Variants in ZNF57 observed in about 807,000 individuals in gnomAD.
ZNF57 encodes zinc finger protein 424.
Under a neutral mutation model 13.4 loss-of-function variants are expected in ZNF57, and 11 were observed. That is an observed-to-expected ratio of 0.82 (90% CI 0.52 to 1.36). ZNF57 has a LOEUF of 1.36. ZNF57 is among the 40% of genes most tolerant of loss of function. ZNF57 has a pLI of 0.00. For synonymous variants in ZNF57, 224 were observed against 238.5 expected, an observed-to-expected ratio of 0.94 and a Z score of 0.56; for missense variants, 696 against 667.5, an observed-to-expected ratio of 1.04 and a Z score of -0.47.
chr19:2,901,831 T>C (rs2088032862), intron 1 of ZNF57, among the ~76,000 whole-genome samples: 1 of 152,140 alleles, frequency 6.6e-6, no homozygotes, highest in Non-Finnish European at 1.5e-5. Flanking sequence ...TTAGTCCTTA[T>C]AGGTTTGGGA....
chr19:2,905,071 G>A (rs1033690792), intron 1 of ZNF57, among the ~76,000 whole-genome samples: 3 of 152,090 alleles, frequency 2.0e-5, no homozygotes, highest in Admixed American at 6.6e-5. Context: ...TTGTTGCAAC[G>A]CTTGCTCTGT....
chr19:2,909,281 G>GTTTAT (rs1555677925), intron 1 of ZNF57, among the ~76,000 whole-genome samples: 11 of 107,166 alleles, frequency 1.0e-4, no homozygotes, highest in Admixed American at 3.6e-4. Flanking sequence ...ATTTATTTTT[G>GTTTAT]TTTTTTTTTT....
chr19:2,917,410 T>C lies in ZNF57; in HGVS notation c.789T>C (p.Tyr263=), dbSNP rs562724435. The change falls in exon 4 of 4, where the codon TAT becomes TAC. Residue 263 remains tyrosine (Y), a synonymous_variant. Transcript: ENST00000306908. Reference sequence around the variant, plus strand: ...AGGAATGTGGGAGAGCCTTCATTTATCCCTCGACATTTCAAAGACACATGA... The same window carrying C: ...AGGAATGTGGGAGAGCCTTCATTTACCCCTCGACATTTCAAAGACACATGA... ...KCQECGRAFI[Y]PSTFQRHMTT... is the part of the protein sequence containing the mutation. The C allele has an allele frequency of 3.9e-5, 63 of 1,614,154 alleles. No homozygotes were observed. In the South Asian group the frequency reaches 6.4e-4, roughly 16 times the overall value.
intron 2 of ZNF57, 27 bp from the exon 3 acceptor site, chr19:2,916,051 T>C: frequency 6.3e-7 from 1 of 1,598,850 alleles, no homozygotes; most frequent in East Asian, 2.2e-5. Flanking sequence ...TTATTCCTTT[T>C]GAGATTTGTT....
intron 1 of ZNF57, among the ~76,000 whole-genome samples, chr19:2,914,778 C>G (rs1203487880): frequency 6.6e-6 from 1 of 152,082 alleles, no homozygotes; most frequent in South Asian, 2.1e-4. Flanking sequence ...TGAATACATG[C>G]TACATCCATG....
intron 1 of ZNF57, among the ~76,000 whole-genome samples, chr19:2,907,730 T>G (rs1334195567): frequency 6.6e-6 from 1 of 152,198 alleles, no homozygotes; most frequent in African/African-American, 2.4e-5. Flanking sequence ...AAAAGTCTCA[T>G]TAAGAGAGGA....
rs868379917 is a variant in ZNF57, at chr19:2,918,089, A to G, written c.1468A>G (p.Thr490Ala). The G allele has an allele frequency of 2.5e-6, 4 of 1,613,936 alleles. No homozygotes were observed. The Middle Eastern group carries it at 4.9e-4, about 200-fold the overall frequency. ...TGGAAAAACCTTCACTTGGTCCTCA[A>G]CCTTACATAATCATGTGAGGATGCA... ...QCGKTFTWSS[T>A]LHNHVRMHTG... Residue 490 changes from threonine to alanine, a missense_variant, in exon 4 of 4, where the codon ACC becomes GCC. By Grantham distance (58) the Thr-to-Ala change is moderately conservative (BLOSUM62 0). Coordinates refer to ENST00000306908, the MANE Select transcript of ZNF57 (RefSeq NM_173480.3).
chr19:2,917,148 C>T lies in ZNF57; in HGVS notation c.527C>T (p.Ala176Val). Reference sequence around the variant, plus strand: ...CCTCCAGGTGAGGAATGTAAGCAGGCCTGCATTTGTCCCTCACACCTACAC... The same window carrying T: ...CCTCCAGGTGAGGAATGTAAGCAGGTCTGCATTTGTCCCTCACACCTACAC... ...KAPPGEECKQ[A>V]CICPSHLHSH... is the part of the protein sequence containing the mutation. The change falls in exon 4 of 4, where the codon GCC becomes GTC. Residue 176 changes from alanine to valine, a missense_variant. Around this residue, in one of 3 missense-constraint regions of ZNF57, gnomAD observed 645 missense variants for 591.5 expected, o/e 1.09. Coordinates refer to ENST00000306908, the MANE Select transcript of ZNF57 (RefSeq NM_173480.3). The T allele has an allele frequency of 1.2e-6, 2 of 1,614,132 alleles. No homozygotes were observed. Among genetic ancestry groups the T allele is most frequent in the Non-Finnish European group, 1.7e-6 (2 of 1,180,000 alleles).
chr19:2,916,377 A>G (rs191465803), intron 3 of ZNF57, 128 bp downstream of exon 3: 9 of 894,878 alleles, frequency 1.0e-5, no homozygotes, highest in Middle Eastern at 2.7e-4. Flanking sequence ...AAAAATTTGT[A>G]TTTGACTAAG....
chr19:2,905,227 C>G (rs1285798513), intron 1 of ZNF57, among the ~76,000 whole-genome samples: 1 of 151,926 alleles, frequency 6.6e-6, no homozygotes, highest in South Asian at 2.1e-4. Context: ...TGCAGTGGCA[C>G]AATCTTGGCT....
In ZNF57 at chr19:2,901,061, C is replaced by A; in HGVS notation, c.3+13C>A. The A allele has an allele frequency of 1.3e-6, 2 of 1,557,374 alleles. No individual in the cohort carries two copies. On this transcript the variant is annotated intron_variant, in intron 1 of 3. Transcript: ENST00000306908. The stretch of plus-strand genomic sequence containing the variant: ...CAGGGGAGACATGGTGAGTGCGAGG[C>A]AGGAGCAGAGCCAGGGGACGGTCGG...
intron 1 of ZNF57, among the ~76,000 whole-genome samples, chr19:2,903,640 T>C (rs1473831900): frequency 1.3e-5 from 2 of 152,196 alleles, no homozygotes; most frequent in Admixed American, 6.5e-5. Context: ...ACCACTGTCC[T>C]GATTTTTTTT....
Position 2,917,933 on chromosome 19 carries a change from CAT to C in ZNF57, c.1313_1314del (p.His438ArgfsTer11), listed in dbSNP as rs771956755. On this transcript the variant is annotated frameshift_variant, in exon 4 of 4. Transcript: ENST00000306908. LOFTEE classifies it low-confidence loss of function (END_TRUNC). The stretch of plus-strand genomic sequence containing the variant: ...CACTTGGTCCTCAACGTTTAGAGAA[CAT>C]GTGAGAATTCACACGCAAGAGCAGC... ...TFTWSSTFRE[H>X]VRIHTQEQLH... 11 of 1,613,694 alleles carry C rather than the reference CAT, an allele frequency of 6.8e-6. No homozygotes were observed. The highest frequency in any genetic ancestry group is 1.6e-4 in the Middle Eastern group (1 of 6,062).
At chr19:2,906,779 G>A (rs1332297042) in intron 1 of ZNF57, among the ~76,000 whole-genome samples, 5 of 152,138 alleles carry the variant, frequency 3.3e-5, no homozygotes, top group Non-Finnish European at 7.4e-5. Flanking sequence ...GGTTTGCCTC[G>A]GTGCCATAAG....
chr19:2,915,736 GGACTAA>G (rs1568183293), intron 2 of ZNF57, 88 bp downstream of exon 2: 19 of 1,593,974 alleles, frequency 1.2e-5, no homozygotes, highest in Non-Finnish European at 1.6e-5. Context: ...ATGTGGGAAA[GGACTAA>G]GACAGACATG....
At chr19:2,912,514 G>A (rs891474671) in intron 1 of ZNF57, among the ~76,000 whole-genome samples, 1 of 152,168 alleles carries the variant, frequency 6.6e-6, no homozygotes, top group Non-Finnish European at 1.5e-5. Flanking sequence ...ATGGTTGCGT[G>A]TTCTGGTAAG....
At position 2,917,562 on chromosome 19, in the gene ZNF57, G is replaced by C. The variant is rs369197736; in HGVS notation, c.941G>C (p.Gly314Ala). The change falls in exon 4 of 4, where the codon GGG (glycine) becomes GCG (alanine). Residue 314 changes from glycine to alanine, a missense_variant. Transcript: ENST00000306908. Reference protein sequence around the residue: ...GEKPYECKQCGKTFSWSETLR... With the variant: ...GEKPYECKQCAKTFSWSETLR... ...AAGCCCTATGAATGCAAGCAGTGTG[G>C]GAAAACATTCAGTTGGTCTGAAACC... The C allele has an allele frequency of 6.2e-7, 1 of 1,614,056 alleles. No homozygotes were observed. The highest frequency in any genetic ancestry group is 2.2e-5 in the East Asian group (1 of 44,886).
At chr19:2,901,081 G>C in intron 1 of ZNF57, 33 bp downstream of exon 1, 1 of 1,543,042 alleles carries the variant, frequency 6.5e-7, no homozygotes, top group Non-Finnish European at 8.7e-7. Flanking sequence ...GCCAGGGGAC[G>C]GTCGGAGCGA....
At chr19:2,906,008 C>G (rs1448057282) in intron 1 of ZNF57, among the ~76,000 whole-genome samples, 1 of 152,172 alleles carries the variant, frequency 6.6e-6, no homozygotes, top group African/African-American at 2.4e-5. Flanking sequence ...TCATTTCTCT[C>G]TCCTTTGATG....
Sources: allele counts gnomAD v4.1 joint callset (sites outside exome capture counted in the v4.1 genomes callset), GRCh38; gene constraint gnomAD v4.1.1; regional missense constraint gnomAD v4.1.1; transcripts MANE v1.5; gene names NCBI Gene and HGNC (gene_info 2026-07-23, HGNC 2026-07-21).